Variants in CCDC91 observed in about 807,000 individuals in gnomAD.
The protein encoded by CCDC91 is coiled-coil domain containing 91, also known as coiled-coil domain-containing protein 91.
CCDC91 carries 48 observed loss-of-function variants against 63.2 expected under a neutral mutation model. The ratio of observed to expected loss-of-function variants is 0.76; its 90% CI spans 0.60 to 0.97. The LOEUF is 0.97. Ranked by LOEUF, CCDC91 falls within the 50% of genes least tolerant of loss-of-function variation. The pLI is 0.00. For missense variants in CCDC91, 500 were observed against 494.6 expected (o/e 1.01, Z -0.10); for synonymous variants, 167 against 165.8 (o/e 1.01, Z -0.06).
intron 6 of CCDC91, among the ~76,000 whole-genome samples, chr12:28,327,975 T>G (rs1321487039): frequency 6.6e-6 from 1 of 152,108 alleles, no homozygotes; most frequent in Admixed American, 6.6e-5. Flanking sequence ...TTGTAGGCGT[T>G]ATGCTGGGTA....
chr12:28,493,362 C>T (rs1236523420), intron 12 of CCDC91, among the ~76,000 whole-genome samples: 2 of 151,588 alleles, frequency 1.3e-5, no homozygotes, highest in Admixed American at 6.6e-5. Context: ...TTACTTTTTC[C>T]ACTAACAGGA....
At chr12:28,363,473 A>G (rs1011695577) in intron 7 of CCDC91, among the ~76,000 whole-genome samples, 1 of 152,222 alleles carries the variant, frequency 6.6e-6, no homozygotes, top group Non-Finnish European at 1.5e-5. Context: ...TAATAAATAT[A>G]AAAAATCCCT....
At position 28,257,170 on chromosome 12, in the gene CCDC91, G is replaced by T. The variant is rs190601871; in HGVS notation, c.-14-32G>T. On this transcript the variant is annotated intron_variant, in intron 1 of 12. Transcript: ENST00000536442. ...TTTTGACATAAATGACTGTGTGTGT[G>T]CGGGCTTGTTTCAATATCTTATATT... is the stretch of plus-strand genomic sequence containing the variant. 1.4e-3 allele frequency: 2,032 copies of T among 1,407,808 alleles called. 25 individuals are homozygous for T. In the African/African-American group the frequency reaches 0.027, roughly 18 times the overall value. 87.2% of individuals were successfully genotyped at this position (1,407,808 alleles called of 1,614,324 possible).
At chr12:28,320,774 T>G (rs1940414989) in intron 6 of CCDC91, among the ~76,000 whole-genome samples, 1 of 151,928 alleles carries the variant, frequency 6.6e-6, no homozygotes, top group Non-Finnish European at 1.5e-5. Context: ...ATTCAGAGTT[T>G]GGAAATTTGA....
At chr12:28,476,525 C>A (rs1482509946) in intron 11 of CCDC91, among the ~76,000 whole-genome samples, 1 of 151,972 alleles carries the variant, frequency 6.6e-6, no homozygotes, top group Non-Finnish European at 1.5e-5. Context: ...CAGGGAAGAT[C>A]TAAAATTGAC....
At chr12:28,492,770 A>G in intron 12 of CCDC91, among the ~76,000 whole-genome samples, 1 of 151,696 alleles carries the variant, frequency 6.6e-6, no homozygotes, top group Non-Finnish European at 1.5e-5. Context: ...TACTTTAACT[A>G]TAAAACTATG....
intron 1 of CCDC91, among the ~76,000 whole-genome samples, chr12:28,201,462 G>C (rs13274371): frequency 7.3e-6 from 1 of 136,200 alleles, no homozygotes; most frequent in Non-Finnish European, 1.7e-5. Flanking sequence ...TCACTTCCTA[G>C]ATGGGATGGC....
chr12:28,522,391 T>A (rs1279837346), intron 12 of CCDC91, among the ~76,000 whole-genome samples: 1 of 152,184 alleles, frequency 6.6e-6, no homozygotes, highest in African/African-American at 2.4e-5. Flanking sequence ...TGATGGTAGT[T>A]TGTATTTCTG....
chr12:28,498,995 A>T (rs1952466433), intron 12 of CCDC91, among the ~76,000 whole-genome samples: 1 of 151,686 alleles, frequency 6.6e-6, no homozygotes, highest in Admixed American at 6.6e-5. Flanking sequence ...TGCTTAATGA[A>T]GGAATGCCAT....
intron 12 of CCDC91, among the ~76,000 whole-genome samples, chr12:28,513,812 A>G (rs1420702815): frequency 2.6e-5 from 4 of 151,864 alleles, no homozygotes; most frequent in Non-Finnish European, 5.9e-5. Flanking sequence ...TTATGTCTAC[A>G]TAGTATTCCA....
chr12:28,251,392 G>A (rs1012225942), intron 1 of CCDC91, among the ~76,000 whole-genome samples: 4 of 151,974 alleles, frequency 2.6e-5, no homozygotes, highest in African/African-American at 9.7e-5. Context: ...TTATAATGGA[G>A]ACTATTATGA....
chr12:28,549,395 T>C lies in CCDC91; in HGVS notation c.*222T>C. 2.8e-6 allele frequency: 1 copy of C among 351,470 alleles called. No homozygotes were observed. Among genetic ancestry groups the C allele is most frequent in the African/African-American group, 2.1e-5 (1 of 47,056 alleles). The allele number at this position is 351,470 out of a possible 1,614,324, so 21.8% of individuals were successfully genotyped here. A position where few individuals can be genotyped will look rare whatever the true frequency, so the allele number is the denominator to read the frequency against. On this transcript the variant is annotated 3_prime_UTR_variant, in exon 13 of 13. Transcript: ENST00000536442. ...ACTGTTATTTTATTATTATTAGTAG[T>C]AGCAGCAACAGAGTATGATATGACC...
intron 2 of CCDC91, among the ~76,000 whole-genome samples, chr12:28,258,590 G>A (rs1167946768): frequency 6.6e-6 from 1 of 151,890 alleles, no homozygotes; most frequent in Non-Finnish European, 1.5e-5. Flanking sequence ...CTCTACCCTT[G>A]GTTATATAAA....
intron 1 of CCDC91, among the ~76,000 whole-genome samples, chr12:28,244,494 C>A (rs1308875085): frequency 2.6e-5 from 1 of 38,406 alleles, no homozygotes; most frequent in African/African-American, 1.2e-4. Flanking sequence ...TAGAAGAAGG[C>A]TTTTTTTTTT....
intron 6 of CCDC91, among the ~76,000 whole-genome samples, chr12:28,315,732 A>G (rs1458135730): frequency 1.3e-5 from 2 of 151,914 alleles, no homozygotes; most frequent in African/African-American, 2.4e-5. Flanking sequence ...AAATAAAGAT[A>G]TATAGTGAAA....
chr12:28,437,526 T>C (rs1030371064), intron 8 of CCDC91, among the ~76,000 whole-genome samples: 3 of 152,124 alleles, frequency 2.0e-5, no homozygotes, highest in African/African-American at 7.2e-5. Context: ...TTGACATTGA[T>C]AATTCTACCT....
At chr12:28,511,462 A>G (rs1299240295) in intron 12 of CCDC91, among the ~76,000 whole-genome samples, 5 of 151,752 alleles carry the variant, frequency 3.3e-5, no homozygotes, top group African/African-American at 9.7e-5. Context: ...TTTTCCTAGC[A>G]CTTATCAGTA....
At chr12:28,523,876 T>C (rs554758400) in intron 12 of CCDC91, among the ~76,000 whole-genome samples, 13 of 152,310 alleles carry the variant, frequency 8.5e-5, no homozygotes, top group African/African-American at 3.1e-4. Context: ...TGAAAATTCT[T>C]TTCTTTAAAA....
At chr12:28,218,732 T>C (rs1943736874) in intron 1 of CCDC91, among the ~76,000 whole-genome samples, 1 of 132,252 alleles carries the variant, frequency 7.6e-6, no homozygotes, top group African/African-American at 2.7e-5. Flanking sequence ...TGTGTGTGTA[T>C]GTATGTATGT....
Sources: allele counts gnomAD v4.1 joint callset (sites outside exome capture counted in the v4.1 genomes callset), GRCh38; gene constraint gnomAD v4.1.1; transcripts MANE v1.5; gene names NCBI Gene and HGNC (gene_info 2026-07-23, HGNC 2026-07-21).